GRIA3: variants seen among roughly 807,000 people sequenced by gnomAD.
The protein encoded by GRIA3 is glutamate ionotropic receptor AMPA type subunit 3.
Under a neutral mutation model 63.0 loss-of-function variants are expected in GRIA3, and 3 were observed. The ratio of observed to expected loss-of-function variants is 0.05; its 90% CI spans 0.02 to 0.12. The LOEUF is 0.12. Among genes scored for constraint, GRIA3 ranks in the 10% least tolerant of loss-of-function variants. GRIA3 has a pLI of 1.00. For missense variants in GRIA3, 347 were observed against 700.9 expected (o/e 0.50, Z 5.70); for synonymous variants, 274 against 257.9 (o/e 1.06, Z -0.60).
At chrX:123,477,753 C>T (rs1444512933) in intron 13 of GRIA3, among the ~76,000 whole-genome samples, 2 of 111,822 alleles carry the variant, frequency 1.8e-5, no homozygotes, top group Non-Finnish European at 3.8e-5. Context: ...ACTAGGATCT[C>T]TAGGAGCAGT....
At chrX:123,453,922 A>G (rs765309178) in intron 12 of GRIA3, among the ~76,000 whole-genome samples, 1 of 111,908 alleles carries the variant, frequency 8.9e-6, no homozygotes, top group African/African-American at 3.2e-5. Context: ...GTCTTGGCTT[A>G]TAACAGCCAT....
chrX:123,463,571 GAA>G (rs1491517061), intron 12 of GRIA3, among the ~76,000 whole-genome samples: 10 of 31,192 alleles, frequency 3.2e-4, no homozygotes, highest in East Asian at 1.2e-3. Flanking sequence ...AGGAAGGAAG[GAA>G]GGAAGGGAGG....
intron 12 of GRIA3, among the ~76,000 whole-genome samples, chrX:123,463,704 G>GAAAGAA (rs1569440921): frequency 4.0e-3 from 47 of 11,705 alleles, no homozygotes; most frequent in Non-Finnish European, 6.6e-3. Context: ...GAAAGAAAAA[G>GAAAGAA]AAAGAAAGAA....
intron 2 of GRIA3, among the ~76,000 whole-genome samples, chrX:123,187,169 T>C (rs949541797): frequency 2.7e-4 from 30 of 111,988 alleles, no homozygotes; most frequent in Non-Finnish European, 5.3e-4. Flanking sequence ...ATGACTTTCT[T>C]TAAATCCTTC....
chrX:123,319,833 A>C lies in GRIA3; in HGVS notation c.509-6193A>C, dbSNP rs960157629. On this transcript the variant is annotated intron_variant, in intron 3 of 15. Transcript: ENST00000620443. Reference sequence around the variant, plus strand: ...CACCTCAGGAAAAAAAAAAAAAAAAAGGCCTGCTTTAATATGCCACATTTG... The same window carrying C: ...CACCTCAGGAAAAAAAAAAAAAAAACGGCCTGCTTTAATATGCCACATTTG... 2.7e-5 allele frequency among the ~76,000 whole-genome samples: 3 copies of C among 109,213 alleles called. No homozygotes were observed. The East Asian group carries it at 8.6e-4, about 31-fold the overall frequency. The allele number at this position is 109,213 out of a possible 115,157, so 94.8% of individuals were successfully genotyped here.
chrX:123,460,616 C>G (rs371710838), intron 12 of GRIA3, among the ~76,000 whole-genome samples: 2 of 111,243 alleles, frequency 1.8e-5, no homozygotes, highest in Non-Finnish European at 1.9e-5. Context: ...TTACTTTTGG[C>G]GAGTAGAGAA....
intron 2 of GRIA3, among the ~76,000 whole-genome samples, chrX:123,188,069 G>T (rs767842876): frequency 8.9e-6 from 1 of 112,096 alleles, no homozygotes; most frequent in South Asian, 3.8e-4. Flanking sequence ...ACAAGAAAAA[G>T]AAAATGAAAA....
chrX:123,461,276 G>A (rs1246881875), intron 12 of GRIA3, among the ~76,000 whole-genome samples: 1 of 111,878 alleles, frequency 8.9e-6, no homozygotes, highest in African/African-American at 3.3e-5. Context: ...TTGTCCTCAA[G>A]AAACACTCAA....
chrX:123,425,165 AT>A (rs1327515977), intron 11 of GRIA3, among the ~76,000 whole-genome samples: 1 of 111,991 alleles, frequency 8.9e-6, no homozygotes, highest in Non-Finnish European at 1.9e-5. Context: ...TGTACCTTCT[AT>A]AACTTGCACA....
chrX:123,436,506 AGCT>A (rs1451531636), intron 12 of GRIA3, among the ~76,000 whole-genome samples: 1 of 112,436 alleles, frequency 8.9e-6, no homozygotes, highest in Non-Finnish European at 1.9e-5. Flanking sequence ...CACAATTTAG[AGCT>A]GCCCTTGAAG....
chrX:123,281,289 T>C (rs1456324452), intron 3 of GRIA3, among the ~76,000 whole-genome samples: 1 of 111,505 alleles, frequency 9.0e-6, no homozygotes, highest in Non-Finnish European at 1.9e-5. Flanking sequence ...ATACTAAATG[T>C]TCATTTGCAT....
At chrX:123,389,495 T>A (rs936707536) in intron 5 of GRIA3, among the ~76,000 whole-genome samples, 1 of 111,363 alleles carries the variant, frequency 9.0e-6, no homozygotes, top group Non-Finnish European at 1.9e-5. Flanking sequence ...GTTTTTGACT[T>A]AAGTCTGTTT....
intron 4 of GRIA3, among the ~76,000 whole-genome samples, chrX:123,340,639 C>A (rs750398904): frequency 8.9e-6 from 1 of 112,369 alleles, no homozygotes; most frequent in South Asian, 3.7e-4. Flanking sequence ...TTAGTAAGTA[C>A]TAAATAAATA....
intron 2 of GRIA3, among the ~76,000 whole-genome samples, chrX:123,244,730 G>A (rs1444306568): frequency 8.9e-6 from 1 of 111,968 alleles, no homozygotes; most frequent in Non-Finnish European, 1.9e-5. Flanking sequence ...GCATTTAGAG[G>A]GTAGAAGTCA....
intron 3 of GRIA3, among the ~76,000 whole-genome samples, chrX:123,309,615 T>G (rs1465178231): frequency 2.7e-5 from 3 of 112,014 alleles, no homozygotes; most frequent in African/African-American, 9.7e-5. Flanking sequence ...CATTATGATT[T>G]TGTGGTTTTG....
intron 13 of GRIA3, among the ~76,000 whole-genome samples, chrX:123,475,573 G>A (rs750742309): frequency 5.4e-5 from 6 of 111,802 alleles, no homozygotes; most frequent in Non-Finnish European, 1.1e-4. Context: ...TAATTTCCAC[G>A]ATAGGAATCT....
intron 2 of GRIA3, among the ~76,000 whole-genome samples, chrX:123,216,899 C>T (rs1928172207): frequency 9.0e-6 from 1 of 111,709 alleles, no homozygotes; most frequent in Admixed American, 9.4e-5. Context: ...CAAAGGAAAA[C>T]ATAAGTAGTG....
chrX:123,412,124 C>A (rs2045510232), intron 10 of GRIA3, among the ~76,000 whole-genome samples: 1 of 112,073 alleles, frequency 8.9e-6, no homozygotes, highest in Non-Finnish European at 1.9e-5. Context: ...CCTCCTCAAT[C>A]TTTAAGTTGC....
chrX:123,374,377 A>T (rs773377093), intron 5 of GRIA3, among the ~76,000 whole-genome samples: 66 of 111,245 alleles, frequency 5.9e-4, no homozygotes, highest in Middle Eastern at 4.6e-3. Flanking sequence ...AAGTAGTTTT[A>T]TCCAATTCTG....
Sources: gnomAD v4.1 joint callset for allele counts (sites outside exome capture counted in the v4.1 genomes callset) on GRCh38, gnomAD v4.1.1 for gene constraint, MANE v1.5 for transcripts, NCBI Gene and HGNC (gene_info 2026-07-23, HGNC 2026-07-21) for gene names.